The following FRMD4B variants were observed in gnomAD, a reference collection of about 807,000 sequenced individuals.
FRMD4B encodes FERM domain containing 4B.
FRMD4B carries 74 observed loss-of-function variants against 141.5 expected under a neutral mutation model. The observed-to-expected ratio is 0.52, with a 90% CI of 0.43 to 0.63. The LOEUF (loss-of-function observed/expected upper bound fraction) is 0.63. Ranked by LOEUF, FRMD4B falls within the 30% of genes least tolerant of loss-of-function variation. The pLI, the probability that FRMD4B is intolerant of heterozygous loss-of-function variation, is 0.00. For synonymous variants in FRMD4B, 506 were observed against 467.9 expected, an observed-to-expected ratio of 1.08 and a Z score of -1.05; for missense variants, 1,366 against 1,253.4, an observed-to-expected ratio of 1.09 and a Z score of -1.36.
chr3:69,322,148 G>T (rs911955751), intron 1 of FRMD4B, among the ~76,000 whole-genome samples: 16 of 152,202 alleles, frequency 1.1e-4, no homozygotes, highest in African/African-American at 3.1e-4. Flanking sequence ...CTCCTCATCA[G>T]ATGAGATATT....
At chr3:69,266,891 G>C (rs2093564543) in intron 5 of FRMD4B, among the ~76,000 whole-genome samples, 1 of 152,170 alleles carries the variant, frequency 6.6e-6, no homozygotes, top group African/African-American at 2.4e-5. Context: ...AGAATAATCT[G>C]GCAGATACCA....
At chr3:69,323,608 G>GTATGTGTATATA (rs1553723965) in intron 1 of FRMD4B, among the ~76,000 whole-genome samples, 3 of 101,702 alleles carry the variant, frequency 2.9e-5, no homozygotes, top group African/African-American at 1.1e-4. Context: ...CTCTCTCTGT[G>GTATGTGTATATA]TATATATATA....
intron 17 of FRMD4B, 126 bp downstream of exon 17, chr3:69,193,522 A>T (rs2092863684): frequency 4.8e-6 from 3 of 626,242 alleles, no homozygotes; most frequent in Admixed American, 3.2e-5. Flanking sequence ...ATAAAAAAGA[A>T]AACTTAGTTT....
intron 1 of FRMD4B, among the ~76,000 whole-genome samples, chr3:69,335,444 C>T (rs556310007): frequency 6.8e-6 from 1 of 146,454 alleles, no homozygotes; most frequent in Admixed American, 7.0e-5. Context: ...ACGATCTTGG[C>T]TCACTGCAAC....
At chr3:69,371,047 G>T (rs558694217) in intron 1 of FRMD4B, among the ~76,000 whole-genome samples, 1 of 152,334 alleles carries the variant, frequency 6.6e-6, no homozygotes, top group African/African-American at 2.4e-5. Flanking sequence ...TATATTCATA[G>T]AGTCAGGTGG....
intron 1 of FRMD4B, among the ~76,000 whole-genome samples, chr3:69,508,207 T>TA (rs1306262809): frequency 6.6e-6 from 1 of 152,108 alleles, no homozygotes; most frequent in Non-Finnish European, 1.5e-5. Flanking sequence ...AATAACATAA[T>TA]AAAGGGTAAC....
chr3:69,228,213 T>C (rs1575632952), intron 7 of FRMD4B, among the ~76,000 whole-genome samples: 1 of 152,308 alleles, frequency 6.6e-6, no homozygotes, highest in East Asian at 1.9e-4. Flanking sequence ...AGTGCTGAGA[T>C]TGAGAAACCC....
intron 6 of FRMD4B, 122 bp from the exon 7 acceptor site, chr3:69,249,370 G>T: frequency 1.5e-6 from 1 of 652,258 alleles, no homozygotes; most frequent in Non-Finnish European, 2.7e-6. Context: ...GTGTTTCTCA[G>T]GAATGCTCTC....
intron 2 of FRMD4B, among the ~76,000 whole-genome samples, chr3:69,425,250 C>G (rs1327570765): frequency 1.3e-5 from 2 of 152,126 alleles, no homozygotes; most frequent in Non-Finnish European, 2.9e-5. Context: ...AAAGGACATG[C>G]AGTAAATGTT....
At chr3:69,198,891 C>T in intron 11 of FRMD4B, 117 bp from the exon 12 acceptor site, 1 of 644,912 alleles carries the variant, frequency 1.6e-6, no homozygotes, top group Non-Finnish European at 2.8e-6. Flanking sequence ...TACGATGAAA[C>T]ATGAATATGT....
chr3:69,465,319 CAAAAAAAAA>C (rs370690960), intron 1 of FRMD4B, among the ~76,000 whole-genome samples: 1 of 109,098 alleles, frequency 9.2e-6, no homozygotes, highest in Non-Finnish European at 2.0e-5. Flanking sequence ...GGCTCCGTCT[CAAAAAAAAA>C]AAAAAAAACC....
Position 69,200,463 on chromosome 3 carries a change from G to C in FRMD4B, c.877-1689C>G. On this transcript the variant is annotated intron_variant, in intron 11 of 22. Coordinates refer to ENST00000398540, the MANE Select transcript of FRMD4B (RefSeq NM_015123.3). ...ACAGAAATGTGAGGAAAAACCTCAG[G>C]GTTCTTCCGCCCTCCCCCCTCCCAG... 3.0e-6 allele frequency: 3 copies of C among 993,510 alleles called. No individual in the cohort carries two copies. The South Asian group carries it at 1.3e-4, about 44-fold the overall frequency. The allele number at this position is 993,510 out of a possible 1,614,324, so 61.5% of individuals were successfully genotyped here.
At chr3:69,276,959 T>A (rs1344232699) in intron 5 of FRMD4B, among the ~76,000 whole-genome samples, 3 of 152,156 alleles carry the variant, frequency 2.0e-5, no homozygotes, top group Non-Finnish European at 2.9e-5. Flanking sequence ...AACAAAAAGA[T>A]TCCAAGGGTA....
At chr3:69,183,703 C>T (rs1411728305) in intron 19 of FRMD4B, among the ~76,000 whole-genome samples, 17 of 151,816 alleles carry the variant, frequency 1.1e-4, no homozygotes, top group Admixed American at 9.8e-4. Context: ...AGGATGGTCT[C>T]GATCTCCTGA....
chr3:69,306,151 A>C (rs530187635), intron 3 of FRMD4B, among the ~76,000 whole-genome samples: 1 of 152,376 alleles, frequency 6.6e-6, no homozygotes, highest in African/African-American at 2.4e-5. Context: ...AATTTTTTAA[A>C]AAATGCCCAT....
chr3:69,248,270 T>C (rs531178926), intron 7 of FRMD4B, among the ~76,000 whole-genome samples: 1 of 147,304 alleles, frequency 6.8e-6, no homozygotes, highest in African/African-American at 2.5e-5. Context: ...CAAATATATA[T>C]ATATAGAGAG....
rs1575574997 is a variant in FRMD4B at position 69,171,716 on chromosome 3, A to T, written c.*145T>A. 1 of 762,116 alleles carries T rather than the reference A, an allele frequency of 1.3e-6. No homozygotes were observed. The highest frequency in any genetic ancestry group is 2.2e-6 in the Non-Finnish European group (1 of 462,380). The allele number at this position is 762,116 out of a possible 1,614,324, so 47.2% of individuals were successfully genotyped here. ...GTGGGGCTTGGTGTGTGATTCACTG[A>T]TTCACTTCCAGGGCAACTAAGTCTT... On this transcript the variant is annotated 3_prime_UTR_variant, in exon 23 of 23. Coordinates refer to ENST00000398540, the MANE Select transcript of FRMD4B (RefSeq NM_015123.3).
rs1286554314 is a variant in FRMD4B at position 69,286,930 on chromosome 3, G to A, written c.501+822C>T. 2.6e-5 allele frequency among the ~76,000 whole-genome samples: 4 copies of A among 152,114 alleles called. No homozygotes were observed. The South Asian group carries it at 6.2e-4, about 24-fold the overall frequency. On this transcript the variant is annotated intron_variant, in intron 5 of 22. Transcript: ENST00000398540. The stretch of plus-strand genomic sequence containing the variant: ...AGTGATTCTCCTGCCTCAGCCTCCC[G>A]AGTAGCTGGGATTACAGGGGCACAC...
chr3:69,350,169 G>A (rs1703088611), intron 1 of FRMD4B, among the ~76,000 whole-genome samples: 1 of 152,166 alleles, frequency 6.6e-6, no homozygotes, highest in Admixed American at 6.5e-5. Context: ...CAAAGGATAT[G>A]AACAGACGCT....
Sources: gnomAD v4.1 joint callset for allele counts (sites outside exome capture counted in the v4.1 genomes callset) on GRCh38, gnomAD v4.1.1 for gene constraint, MANE v1.5 for transcripts, NCBI Gene and HGNC (gene_info 2026-07-23, HGNC 2026-07-21) for gene names.